The following VAT1L variants were observed in gnomAD, a reference collection of about 807,000 sequenced individuals.
VAT1L encodes the protein putative NADPH-dependent quinone oxidoreductase VAT1L.
VAT1L carries 34 observed loss-of-function variants against 44.1 expected under a neutral mutation model. The ratio of observed to expected loss-of-function variants is 0.77; its 90% CI spans 0.59 to 1.03. VAT1L has a LOEUF of 1.03. VAT1L is among the 50% of genes least tolerant of loss of function. The pLI, the probability that VAT1L is intolerant of heterozygous loss-of-function variation, is 0.00. For missense variants in VAT1L, 615 were observed against 538.8 expected (o/e 1.14, Z -1.40); for synonymous variants, 253 against 202.2 (o/e 1.25, Z -2.13).
chr16:77,909,636 CAAAAAAAAAAA>C (rs35074692), intron 7 of VAT1L, among the ~76,000 whole-genome samples: 2 of 87,330 alleles, frequency 2.3e-5, no homozygotes, highest in Non-Finnish European at 4.6e-5. Flanking sequence ...GACTCTGTCT[CAAAAAAAAAAA>C]AAAAAAAAAA....
At chr16:77,836,562 T>G (rs1023734710) in intron 3 of VAT1L, among the ~76,000 whole-genome samples, 2 of 152,186 alleles carry the variant, frequency 1.3e-5, no homozygotes, top group Admixed American at 1.3e-4. Flanking sequence ...TTCCAAAATG[T>G]CAGAGACATT....
intron 3 of VAT1L, among the ~76,000 whole-genome samples, chr16:77,835,326 C>A (rs1375841548): frequency 6.6e-6 from 1 of 152,090 alleles, no homozygotes; most frequent in Non-Finnish European, 1.5e-5. Context: ...TCATGCTATC[C>A]AACAGTCTGA....
intron 7 of VAT1L, among the ~76,000 whole-genome samples, chr16:77,928,104 C>G (rs534286017): frequency 1.3e-5 from 2 of 152,144 alleles, no homozygotes; most frequent in African/African-American, 4.8e-5. Context: ...CACAGCAGGC[C>G]TTATTGACAA....
At chr16:77,947,587 C>T (rs2017984654) in intron 7 of VAT1L, among the ~76,000 whole-genome samples, 1 of 152,144 alleles carries the variant, frequency 6.6e-6, no homozygotes, top group African/African-American at 2.4e-5. Flanking sequence ...CCAGCTCCCT[C>T]CTGCTCACAT....
chr16:77,976,873 C>T (rs1339529513), intron 8 of VAT1L, among the ~76,000 whole-genome samples: 3 of 152,192 alleles, frequency 2.0e-5, no homozygotes, highest in Admixed American at 2.0e-4. Context: ...TCCCTGTCTT[C>T]CCAGAAACTA....
At chr16:77,801,323 C>T (rs187522062) in intron 1 of VAT1L, 1 of 152,282 alleles carries the variant, frequency 6.6e-6, no homozygotes, top group Admixed American at 6.5e-5. Flanking sequence ...AAAGCCCATA[C>T]TTTTCACTGT....
At chr16:77,931,088 A>G (rs2017726123) in intron 7 of VAT1L, among the ~76,000 whole-genome samples, 1 of 152,210 alleles carries the variant, frequency 6.6e-6, no homozygotes, top group African/African-American at 2.4e-5. Flanking sequence ...TGGACCTGCA[A>G]TTAACACCCA....
At chr16:77,890,911 A>G (rs1480294932) in intron 7 of VAT1L, among the ~76,000 whole-genome samples, 2 of 112,562 alleles carry the variant, frequency 1.8e-5, no homozygotes, top group Non-Finnish European at 1.8e-5. Context: ...GTGACAGAGG[A>G]AGACCCTGTC....
intron 6 of VAT1L, among the ~76,000 whole-genome samples, chr16:77,883,446 A>C (rs913061132): frequency 2.0e-5 from 3 of 152,186 alleles, no homozygotes; most frequent in African/African-American, 7.2e-5. Context: ...TAGGTATTTC[A>C]CCCAGAACTT....
chr16:77,825,986 G>A (rs1312883467), intron 3 of VAT1L, among the ~76,000 whole-genome samples: 2 of 134,636 alleles, frequency 1.5e-5, no homozygotes, highest in African/African-American at 5.6e-5. Flanking sequence ...TTGCGCCACT[G>A]CACTCCAGCC....
At chr16:77,866,933 G>C (rs1384000935) in intron 4 of VAT1L, among the ~76,000 whole-genome samples, 1 of 152,198 alleles carries the variant, frequency 6.6e-6, no homozygotes, top group Non-Finnish European at 1.5e-5. Flanking sequence ...AGGTGCACTT[G>C]AAGGTTGCGA....
intron 3 of VAT1L, among the ~76,000 whole-genome samples, chr16:77,861,725 C>G (rs1456382480): frequency 1.3e-5 from 2 of 152,180 alleles, no homozygotes; most frequent in East Asian, 3.9e-4. Context: ...CTGGAAGAAG[C>G]CAGATAGGCA....
chr16:77,822,397 C>T (rs546224506), intron 2 of VAT1L, among the ~76,000 whole-genome samples: 4 of 152,212 alleles, frequency 2.6e-5, no homozygotes, highest in South Asian at 2.1e-4. Context: ...GGATTATAGG[C>T]GTGAGCCACC....
chr16:77,895,118 T>TACACACACACACACACACACACACA (rs1567500925), intron 7 of VAT1L, among the ~76,000 whole-genome samples: 1 of 150,056 alleles, frequency 6.7e-6, no homozygotes, highest in African/African-American at 2.5e-5. Context: ...ACACACACAC[T>TACACACACACACACACACACACACA]CACACATTTC....
intron 6 of VAT1L, among the ~76,000 whole-genome samples, chr16:77,881,386 A>C (rs561259035): frequency 1.3e-5 from 2 of 152,376 alleles, no homozygotes; most frequent in African/African-American, 4.8e-5. Flanking sequence ...AGACAAACCC[A>C]AAATAAGCAA....
At chr16:77,880,388 G>A (rs928851640) in intron 6 of VAT1L, among the ~76,000 whole-genome samples, 8 of 151,826 alleles carry the variant, frequency 5.3e-5, no homozygotes, top group Non-Finnish European at 1.0e-4. Context: ...TTGAATTCCC[G>A]GGCTCAAGCA....
intron 4 of VAT1L, among the ~76,000 whole-genome samples, chr16:77,868,721 T>C (rs898764540): frequency 2.0e-5 from 3 of 152,104 alleles, no homozygotes; most frequent in African/African-American, 7.2e-5. Flanking sequence ...TTAAAGCATG[T>C]GGTTTTGTGA....
At chr16:77,893,805 A>G (rs2017293435) in intron 7 of VAT1L, among the ~76,000 whole-genome samples, 1 of 152,174 alleles carries the variant, frequency 6.6e-6, no homozygotes, top group African/African-American at 2.4e-5. Flanking sequence ...GGAAATTTGA[A>G]CCCCAGGAAA....
chr16:77,943,668 C>G (rs1467268951), intron 7 of VAT1L, among the ~76,000 whole-genome samples: 1 of 151,890 alleles, frequency 6.6e-6, no homozygotes, highest in Non-Finnish European at 1.5e-5. Flanking sequence ...TCCCAAAGTG[C>G]TGGGATTACA....
Sources: gnomAD v4.1 joint callset for allele counts (sites outside exome capture counted in the v4.1 genomes callset) on GRCh38, gnomAD v4.1.1 for gene constraint, MANE v1.5 for transcripts, NCBI Gene and HGNC (gene_info 2026-07-23, HGNC 2026-07-21) for gene names.